The following ECPAS variants were observed in gnomAD, a reference collection of about 807,000 sequenced individuals.
The protein encoded by ECPAS is Ecm29 proteasome adaptor and scaffold.
ECPAS carries 70 observed loss-of-function variants against 255.1 expected under a neutral mutation model. That is an observed-to-expected ratio of 0.27 (90% CI 0.23 to 0.33). The LOEUF (loss-of-function observed/expected upper bound fraction) is 0.33, where lower values mean the gene tolerates loss of function less well. Ranked by LOEUF, ECPAS falls within the 10% of genes least tolerant of loss-of-function variation. The pLI is 1.00. For synonymous variants in ECPAS, 784 were observed against 775.0 expected (o/e 1.01, Z -0.19); for missense variants, 1,817 against 2,206.4 (o/e 0.82, Z 3.54).
chr9:111,396,279 A>G (rs955904771), intron 25 of ECPAS, among the ~76,000 whole-genome samples: 3 of 152,180 alleles, frequency 2.0e-5, no homozygotes, highest in African/African-American at 7.2e-5. Context: ...ATCATAATAT[A>G]TAAAACATAA....
At chr9:111,410,895 C>T (rs960447173) in intron 22 of ECPAS, 85 bp downstream of exon 22, 25 of 1,304,212 alleles carry the variant, frequency 1.9e-5, no homozygotes, top group Middle Eastern at 2.0e-4. Flanking sequence ...AATACAATGC[C>T]ATAAAAAGAA....
chr9:111,425,881 AT>A, intron 10 of ECPAS, 53 bp from the exon 11 acceptor site: 2 of 886,378 alleles, frequency 2.3e-6, no homozygotes, highest in South Asian at 1.6e-5. Context: ...AGAATTTAAT[AT>A]TTTTGAATAG....
chr9:111,399,006 A>G lies in ECPAS; in HGVS notation c.2653-1853T>C, dbSNP rs559054401. The stretch of plus-strand genomic sequence containing the variant: ...ACTAGTGTGGCTATAGTCAATAATA[A>G]TTTAATTGTACATTTTAAAATAGCT... On this transcript the variant is annotated intron_variant, in intron 24 of 49. Coordinates refer to ENST00000684092, the MANE Select transcript of ECPAS (RefSeq NM_001364929.1). Among the ~76,000 whole-genome samples, 31 of 152,206 alleles carry G rather than the reference A, an allele frequency of 2.0e-4. No homozygotes were observed. In the East Asian group the frequency reaches 5.8e-3, roughly 28 times the overall value.
intron 28 of ECPAS, 147 bp from the exon 29 acceptor site, chr9:111,391,971 T>C (rs748250965): frequency 4.1e-5 from 26 of 641,246 alleles, no homozygotes; most frequent in Non-Finnish European, 6.9e-5. Flanking sequence ...CCGGGCGCGG[T>C]GGCTCACACC....
At chr9:111,407,021 A>G (rs192864091) in intron 24 of ECPAS, among the ~76,000 whole-genome samples, 1 of 148,860 alleles carries the variant, frequency 6.7e-6, no homozygotes, top group African/African-American at 2.6e-5. Flanking sequence ...CCTTATTTCC[A>G]TATTTCTAGC....
Position 111,425,434 on chromosome 9 carries a change from A to G in ECPAS, c.1199T>C (p.Ile400Thr). 6.3e-7 allele frequency: 1 copy of G among 1,593,808 alleles called. No homozygotes were observed. The highest frequency in any genetic ancestry group is 1.2e-5 in the South Asian group (1 of 86,234). Residue 400 changes from isoleucine (I) to threonine (T), a missense_variant, in exon 12 of 50, where the codon ATC becomes ACC. By Grantham distance (89) the Ile-to-Thr change is moderately conservative. Transcript: ENST00000684092. ...GTCACTTACCTCTTTGTATTCATTGATTAGCTTGGTGAGGCCATTCAAAAG... is the reference window on the plus strand; with the variant it reads ...GTCACTTACCTCTTTGTATTCATTGGTTAGCTTGGTGAGGCCATTCAAAAG... The part of the protein sequence containing the change: ...PMLLNGLTKL[I>T]NEYKEDPKLL...
chr9:111,397,003 T>C, intron 25 of ECPAS, 27 bp downstream of exon 25: 2 of 1,613,618 alleles, frequency 1.2e-6, no homozygotes, highest in South Asian at 1.1e-5. Context: ...TTGATCATTA[T>C]AAATCGATTA....
chr9:111,441,193 A>T (rs917078479), intron 5 of ECPAS, among the ~76,000 whole-genome samples: 2 of 150,748 alleles, frequency 1.3e-5, no homozygotes, highest in Admixed American at 6.6e-5. Flanking sequence ...AATAAAAAAT[A>T]AAAATTAAAA....
intron 11 of ECPAS, 104 bp downstream of exon 11, chr9:111,425,639 A>G (rs915537376): frequency 8.2e-6 from 8 of 976,612 alleles, no homozygotes; most frequent in Non-Finnish European, 1.2e-5. Context: ...AAAGATGAGC[A>G]AACATGTTTT....
intron 1 of ECPAS, among the ~76,000 whole-genome samples, chr9:111,481,687 G>A (rs887812441): frequency 1.3e-5 from 2 of 152,096 alleles, no homozygotes; most frequent in African/African-American, 2.4e-5. Flanking sequence ...GCTAAAATGT[G>A]GAAGCAACCC....
chr9:111,461,400 G>C (rs891617781), intron 2 of ECPAS, among the ~76,000 whole-genome samples: 2 of 152,134 alleles, frequency 1.3e-5, no homozygotes, highest in African/African-American at 4.8e-5. Context: ...AGGAGGTAGA[G>C]GTTGCAGTGA....
chr9:111,433,519 G>A (rs1279465846), intron 7 of ECPAS, 147 bp from the exon 8 acceptor site: 22 of 695,252 alleles, frequency 3.2e-5, no homozygotes, highest in East Asian at 2.1e-4. Flanking sequence ...ACAATGTGCC[G>A]GGGACTGTAC....
At chr9:111,413,768 TAA>T (rs2098198632) in intron 20 of ECPAS, 125 bp downstream of exon 20, 1 of 496,674 alleles carries the variant, frequency 2.0e-6, no homozygotes, top group South Asian at 4.2e-5. Context: ...TGTCTGATGA[TAA>T]GAGAGTTTTC....
chr9:111,368,382 C>G (rs906700521), intron 46 of ECPAS, among the ~76,000 whole-genome samples: 1 of 152,140 alleles, frequency 6.6e-6, no homozygotes, highest in African/African-American at 2.4e-5. Flanking sequence ...TAAAGAGACC[C>G]TGCTAATAAA....
rs199626298 is a variant in ECPAS at position 111,393,667 on chromosome 9, A to G, written c.2977+13T>C. On this transcript the variant is annotated intron_variant, in intron 27 of 49. Transcript: ENST00000684092. ...GTTCAATTAAGTTTAGAAATCAAAT[A>G]TTAACAACCTACCATCATTTTCTGA... 18 of 1,502,212 alleles carry G rather than the reference A, an allele frequency of 1.2e-5. No individual in the cohort carries two copies. In the African/African-American group the frequency reaches 2.3e-4, roughly 20 times the overall value. The allele number at this position is 1,502,212 out of a possible 1,614,324, so 93.1% of individuals were successfully genotyped here.
chr9:111,414,796 T>C (rs1041262312), intron 18 of ECPAS, 145 bp from the exon 19 acceptor site: 2 of 685,530 alleles, frequency 2.9e-6, no homozygotes, highest in Non-Finnish European at 4.5e-6. Flanking sequence ...GCAGAAAATA[T>C]GCCATAATGG....
At chr9:111,468,585 G>A (rs937485894) in intron 2 of ECPAS, among the ~76,000 whole-genome samples, 2 of 151,808 alleles carry the variant, frequency 1.3e-5, no homozygotes, top group Non-Finnish European at 2.9e-5. Flanking sequence ...CTTAAAACAA[G>A]GCCTTTTCCT....
At chr9:111,483,569 G>A (rs2098310275) in intron 1 of ECPAS, 11 of 782,200 alleles carry the variant, frequency 1.4e-5, no homozygotes, top group Non-Finnish European at 1.7e-5. Context: ...GAACGAGGGA[G>A]GGGCTGGGGG....
chr9:111,376,379 A>T, intron 37 of ECPAS, 97 bp downstream of exon 37: 2 of 984,114 alleles, frequency 2.0e-6, no homozygotes, highest in East Asian at 2.6e-5. Context: ...GACTCATCCC[A>T]TAAGTCTCTG....
Sources: allele counts gnomAD v4.1 joint callset (sites outside exome capture counted in the v4.1 genomes callset), GRCh38; gene constraint gnomAD v4.1.1; transcripts MANE v1.5; gene names NCBI Gene and HGNC (gene_info 2026-07-23, HGNC 2026-07-21).